Variants in RELN observed in about 807,000 individuals in gnomAD.
RELN encodes the protein reelin.
RELN carries 108 observed loss-of-function variants against 427.6 expected under a neutral mutation model. The observed-to-expected ratio is 0.25, with a 90% CI of 0.22 to 0.30. The LOEUF is 0.30. RELN is among the 10% of genes least tolerant of loss of function. The probability of loss-of-function intolerance (pLI) is 1.00; values close to 1 mark genes in which losing one functional copy is unlikely to be tolerated. For missense variants in RELN, 3,715 were observed against 4,302.8 expected (o/e 0.86, Z 3.82); for synonymous variants, 1,524 against 1,513.4 (o/e 1.01, Z -0.16).
chr7:103,492,224 A>T lies in RELN; in HGVS notation c.9370-198T>A, dbSNP rs7797700. Among the ~76,000 whole-genome samples, 31,032 of 152,128 alleles carry T rather than the reference A, an allele frequency of 0.2. 3,817 individuals carry two copies. Among genetic ancestry groups the T allele is most frequent in the African/African-American group, 0.35 (14,473 of 41,466 alleles). On this transcript the variant is annotated intron_variant, in intron 57 of 64. Transcript: ENST00000428762. Reference sequence around the variant, plus strand: ...TTCAATTTTGCATGGAGATAAAAATAAAGGTTTTAAAAGTTACATTTCTAT... The same window carrying T: ...TTCAATTTTGCATGGAGATAAAAATTAAGGTTTTAAAAGTTACATTTCTAT...
intron 11 of RELN, among the ~76,000 whole-genome samples, chr7:103,667,474 A>G (rs955629360): frequency 2.6e-5 from 4 of 152,202 alleles, no homozygotes; most frequent in South Asian, 4.1e-4. Context: ...AATAAAAACA[A>G]TTGTTAGTTA....
At chr7:103,588,233 C>T (rs1034019858) in intron 28 of RELN, among the ~76,000 whole-genome samples, 2 of 152,062 alleles carry the variant, frequency 1.3e-5, no homozygotes, top group African/African-American at 4.8e-5. Context: ...ATGGATGGAA[C>T]CAGAGGCCAT....
chr7:103,877,058 G>A (rs906932360), intron 2 of RELN, among the ~76,000 whole-genome samples: 1 of 151,922 alleles, frequency 6.6e-6, no homozygotes, highest in Non-Finnish European at 1.5e-5. Flanking sequence ...CCCTCACCCA[G>A]TGTCTTCTAT....
intron 3 of RELN, among the ~76,000 whole-genome samples, chr7:103,796,430 T>C (rs940917253): frequency 6.6e-6 from 1 of 152,220 alleles, no homozygotes; most frequent in African/African-American, 2.4e-5. Flanking sequence ...TTTTGCAATT[T>C]TAATTTGTGG....
chr7:103,957,490 AT>A (rs1796456860), intron 1 of RELN, among the ~76,000 whole-genome samples: 1 of 152,208 alleles, frequency 6.6e-6, no homozygotes, highest in African/African-American at 2.4e-5. Context: ...GCAATCTCGT[AT>A]TATAGAGAAA....
At chr7:103,609,170 C>T (rs375474820) in intron 22 of RELN, among the ~76,000 whole-genome samples, 42 of 149,586 alleles carry the variant, frequency 2.8e-4, no homozygotes, top group African/African-American at 8.9e-4. Context: ...CTGCAATGAG[C>T]CAAGGTCGCG....
chr7:103,503,730 G>A (rs1829112958), intron 51 of RELN, among the ~76,000 whole-genome samples: 1 of 152,190 alleles, frequency 6.6e-6, no homozygotes, highest in Non-Finnish European at 1.5e-5. Flanking sequence ...TGATAGCCAT[G>A]ATGTGACACT....
intron 46 of RELN, among the ~76,000 whole-genome samples, chr7:103,532,783 A>G (rs969187692): frequency 2.0e-5 from 3 of 152,106 alleles, no homozygotes; most frequent in African/African-American, 7.2e-5. Flanking sequence ...TTTTTTCAAG[A>G]AAGCATTCCT....
intron 53 of RELN, among the ~76,000 whole-genome samples, chr7:103,498,926 A>G (rs1235027790): frequency 6.6e-6 from 1 of 152,226 alleles, no homozygotes; most frequent in African/African-American, 2.4e-5. Context: ...GCCAAAAGGA[A>G]TTTGAAAGCA....
intron 51 of RELN, among the ~76,000 whole-genome samples, chr7:103,503,656 G>A (rs796815045): frequency 3.9e-5 from 6 of 152,084 alleles, no homozygotes; most frequent in Non-Finnish European, 5.9e-5. Flanking sequence ...CACTTTCAAC[G>A]ACAAGTAAGA....
intron 51 of RELN, among the ~76,000 whole-genome samples, chr7:103,508,803 A>C (rs552432713): frequency 2.0e-5 from 3 of 152,374 alleles, no homozygotes; most frequent in East Asian, 1.9e-4. Flanking sequence ...AACTTCAGCA[A>C]AGTCTCAGGA....
intron 1 of RELN, among the ~76,000 whole-genome samples, chr7:103,982,876 G>T (rs187347311): frequency 6.6e-6 from 1 of 152,104 alleles, no homozygotes; most frequent in Non-Finnish European, 1.5e-5. Context: ...GCTCAGGCTG[G>T]TCTTGAAATC....
intron 20 of RELN, among the ~76,000 whole-genome samples, chr7:103,613,995 C>A (rs758745242): frequency 1.3e-5 from 2 of 152,078 alleles, no homozygotes; most frequent in African/African-American, 2.4e-5. Flanking sequence ...TGCATGATTA[C>A]AAATGTAACT....
At chr7:103,887,341 T>C (rs1794746186) in intron 2 of RELN, among the ~76,000 whole-genome samples, 1 of 152,202 alleles carries the variant, frequency 6.6e-6, no homozygotes, top group Non-Finnish European at 1.5e-5. Context: ...TCATAGGCCC[T>C]AGCCATTGCA....
intron 1 of RELN, among the ~76,000 whole-genome samples, chr7:103,952,549 A>ACTCTTT (rs1161549796): frequency 1.5e-5 from 2 of 137,850 alleles, no homozygotes; most frequent in African/African-American, 5.7e-5. Context: ...ACATACTCTC[A>ACTCTTT]CTCTTTCTCT....
In RELN at chr7:103,682,239, T is replaced by C. The variant is rs2115696295; in HGVS notation, c.1166A>G (p.Asn389Ser). ...TVKHSCQSDG[N>S]SIYFHGNEGS... The stretch of plus-strand genomic sequence containing the variant: ...TTCATTTCCATGGAAATAAATGGAG[T>C]TCCCATCTGACTGACAGCTATGCTG... Residue 389 changes from asparagine (N) to serine (S), a missense_variant, in exon 11 of 65, where the codon AAC becomes AGC. This residue lies in a region of RELN where 2,208 missense variants were observed against 2,361.7 expected (regional missense o/e 0.93). Coordinates refer to ENST00000428762, the MANE Select transcript of RELN (RefSeq NM_005045.4). 13 of 1,613,936 alleles carry C rather than the reference T, an allele frequency of 8.1e-6. No homozygotes were observed. The African/African-American group carries it at 1.1e-4, about 13-fold the overall frequency.
At chr7:103,967,753 C>T (rs1796688347) in intron 1 of RELN, among the ~76,000 whole-genome samples, 1 of 152,206 alleles carries the variant, frequency 6.6e-6, no homozygotes, top group Non-Finnish European at 1.5e-5. Flanking sequence ...CCACAAGTCT[C>T]TATAGGTACA....
intron 2 of RELN, among the ~76,000 whole-genome samples, chr7:103,912,954 A>C (rs1026562601): frequency 2.6e-5 from 4 of 152,118 alleles, no homozygotes; most frequent in African/African-American, 4.8e-5. Flanking sequence ...GATATCCATA[A>C]TTAAACATCA....
At position 103,610,771 on chromosome 7, in the gene RELN, T is replaced by C. The variant is rs3025962; in HGVS notation, c.2932A>G (p.Thr978Ala). 2.7e-3 allele frequency: 4,392 copies of C among 1,611,664 alleles called. 100 individuals carry two copies. In the African/African-American group the frequency reaches 0.049, roughly 18 times the overall value. Reference protein sequence around the residue: ...LPSMPSCQEFTSASIYHASEF... With the variant: ...LPSMPSCQEFASASIYHASEF... ...CTGGCATGGTAAATACTTGCTGATG[T>C]AAATTCCTGACAACTTGGCATACTT... is the stretch of plus-strand genomic sequence containing the variant. Residue 978 changes from threonine (T) to alanine (A), a missense_variant, in exon 22 of 65, where the codon ACA becomes GCA. Around this residue, in one of 4 missense-constraint regions of RELN, gnomAD observed 2,208 missense variants for 2,361.7 expected, o/e 0.93. Coordinates refer to ENST00000428762, the MANE Select transcript of RELN (RefSeq NM_005045.4).
Sources: allele counts gnomAD v4.1 joint callset (sites outside exome capture counted in the v4.1 genomes callset), GRCh38; gene constraint gnomAD v4.1.1; regional missense constraint gnomAD v4.1.1; transcripts MANE v1.5; gene names NCBI Gene and HGNC (gene_info 2026-07-23, HGNC 2026-07-21).